The following NKAIN2 variants were observed in gnomAD, a reference collection of about 807,000 sequenced individuals.
NKAIN2 encodes sodium/potassium transporting ATPase interacting 2, also known as sodium/potassium-transporting ATPase subunit beta-1-interacting protein 2.
A neutral mutation model predicts 32.6 loss-of-function variants in NKAIN2; 14 were observed. The observed-to-expected ratio is 0.43, with a 90% CI of 0.28 to 0.67. NKAIN2 has a LOEUF of 0.67. Among genes scored for constraint, NKAIN2 ranks in the 30% least tolerant of loss-of-function variants. The pLI is 0.17. For synonymous variants in NKAIN2, 80 were observed against 87.2 expected (o/e 0.92, Z 0.46); for missense variants, 198 against 258.3 (o/e 0.77, Z 1.60).
At chr6:124,080,802 T>C (rs1367090862) in intron 1 of NKAIN2, among the ~76,000 whole-genome samples, 2 of 152,100 alleles carry the variant, frequency 1.3e-5, no homozygotes, top group Admixed American at 6.6e-5. Context: ...TGTATTTCTA[T>C]AAATGGGAAA....
intron 2 of NKAIN2, among the ~76,000 whole-genome samples, chr6:124,301,682 AT>A (rs1224831753): frequency 4.6e-5 from 7 of 152,218 alleles, no homozygotes; most frequent in African/African-American, 1.7e-4. Context: ...AAAGGAAATC[AT>A]TTTGGAGCTT....
At chr6:124,564,789 A>T (rs767937810) in intron 3 of NKAIN2, among the ~76,000 whole-genome samples, 4 of 152,200 alleles carry the variant, frequency 2.6e-5, no homozygotes, top group Non-Finnish European at 5.9e-5. Context: ...CACTCCCTGT[A>T]TGTTTACAGT....
chr6:124,401,238 G>T (rs184243531), intron 3 of NKAIN2, among the ~76,000 whole-genome samples: 68 of 152,184 alleles, frequency 4.5e-4, no homozygotes, highest in East Asian at 3.9e-4. Context: ...TTGCTGGGAA[G>T]GTATGGGTAC....
chr6:124,081,012 T>G (rs1783945430), intron 1 of NKAIN2, among the ~76,000 whole-genome samples: 2 of 152,146 alleles, frequency 1.3e-5, no homozygotes, highest in African/African-American at 4.8e-5. Context: ...AAACATTTAT[T>G]TATTCATTGG....
chr6:123,951,515 T>C (rs1052736903), intron 1 of NKAIN2, among the ~76,000 whole-genome samples: 19 of 152,044 alleles, frequency 1.2e-4, no homozygotes, highest in Non-Finnish European at 2.8e-4. Flanking sequence ...ATAATGACCC[T>C]CTTTTTCGCT....
chr6:124,214,624 C>A (rs183051357), intron 1 of NKAIN2, among the ~76,000 whole-genome samples: 1 of 152,044 alleles, frequency 6.6e-6, no homozygotes, highest in Non-Finnish European at 1.5e-5. Flanking sequence ...TCACTTGAAC[C>A]CAGGAGGTGG....
chr6:124,803,948 A>G (rs1273537076), intron 5 of NKAIN2, among the ~76,000 whole-genome samples: 1 of 152,212 alleles, frequency 6.6e-6, no homozygotes, highest in Non-Finnish European at 1.5e-5. Flanking sequence ...TTACACACAT[A>G]TGACACCTGA....
At chr6:124,556,859 C>T (rs1018061495) in intron 3 of NKAIN2, among the ~76,000 whole-genome samples, 1 of 152,010 alleles carries the variant, frequency 6.6e-6, no homozygotes, top group Non-Finnish European at 1.5e-5. Context: ...AAATCAAATG[C>T]TCCTTCAGCT....
At chr6:124,182,110 C>A (rs1789475049) in intron 1 of NKAIN2, among the ~76,000 whole-genome samples, 1 of 152,188 alleles carries the variant, frequency 6.6e-6, no homozygotes, top group Non-Finnish European at 1.5e-5. Context: ...AAAGGCATGT[C>A]TTACTTGGCA....
chr6:124,591,511 A>G (rs1383438498), intron 3 of NKAIN2, among the ~76,000 whole-genome samples: 1 of 152,086 alleles, frequency 6.6e-6, no homozygotes, highest in Non-Finnish European at 1.5e-5. Context: ...TTTGCTTCCA[A>G]TGCCATTGAT....
intron 1 of NKAIN2, among the ~76,000 whole-genome samples, chr6:124,006,600 C>G (rs1204058809): frequency 6.6e-6 from 1 of 152,220 alleles, no homozygotes; most frequent in East Asian, 1.9e-4. Flanking sequence ...CTCTACTCCT[C>G]TTTTCTCTGT....
chr6:124,134,838 GAC>G (rs1267676523), intron 1 of NKAIN2, among the ~76,000 whole-genome samples: 3 of 152,120 alleles, frequency 2.0e-5, no homozygotes, highest in Non-Finnish European at 4.4e-5. Context: ...TAGGCATATA[GAC>G]ATCAGGTTAT....
chr6:123,872,483 C>T lies in NKAIN2; in HGVS notation c.54+68229C>T, dbSNP rs141453309. On this transcript the variant is annotated intron_variant, in intron 1 of 6. Transcript: ENST00000368417. ...TGGGATCCAGCAGCTTGAGGTACCT[C>T]TCTATGGAAAGCCTTGAGTGCTGGT... Among the ~76,000 whole-genome samples the T allele has an allele frequency of 5.0e-4, 76 of 152,322 alleles. 1 individual carries two copies. The East Asian group carries it at 0.015, about 29-fold the overall frequency.
chr6:124,587,146 A>C (rs567901093), intron 3 of NKAIN2, among the ~76,000 whole-genome samples: 3 of 152,176 alleles, frequency 2.0e-5, no homozygotes. Flanking sequence ...ACTTTGGTAG[A>C]TGTAAATTAT....
At chr6:124,282,873 T>TA in intron 1 of NKAIN2, 132 bp from the exon 2 acceptor site, 1 of 767,046 alleles carries the variant, frequency 1.3e-6, no homozygotes. Context: ...CGCTGTTAGT[T>TA]AAAGACAAAT....
intron 1 of NKAIN2, among the ~76,000 whole-genome samples, chr6:124,226,486 T>C (rs2114717592): frequency 6.6e-6 from 1 of 152,202 alleles, no homozygotes; most frequent in Admixed American, 6.6e-5. Context: ...TTTCTATTGT[T>C]GAATCACTAA....
chr6:124,342,418 A>AC (rs1562500318), intron 2 of NKAIN2, among the ~76,000 whole-genome samples: 1 of 151,402 alleles, frequency 6.6e-6, no homozygotes, highest in African/African-American at 2.4e-5. Flanking sequence ...CAAAAAAAAA[A>AC]AAAACAAAAC....
At chr6:123,854,488 T>C (rs1775481603) in intron 1 of NKAIN2, among the ~76,000 whole-genome samples, 1 of 152,290 alleles carries the variant, frequency 6.6e-6, no homozygotes, top group Non-Finnish European at 1.5e-5. Context: ...ATCAAACTTA[T>C]TATGGGTATT....
At chr6:124,697,431 A>G (rs1444241092) in intron 4 of NKAIN2, among the ~76,000 whole-genome samples, 1 of 152,204 alleles carries the variant, frequency 6.6e-6, no homozygotes, top group Non-Finnish European at 1.5e-5. Context: ...TAAGATTTTC[A>G]TCACAATTTG....
Sources: gnomAD v4.1 joint callset for allele counts (sites outside exome capture counted in the v4.1 genomes callset) on GRCh38, gnomAD v4.1.1 for gene constraint, MANE v1.5 for transcripts, NCBI Gene and HGNC (gene_info 2026-07-23, HGNC 2026-07-21) for gene names.